The following NEURL1 variants were observed in gnomAD, a reference collection of about 807,000 sequenced individuals.
The protein encoded by NEURL1 is E3 ubiquitin-protein ligase NEURL1.
NEURL1 carries 26 observed loss-of-function variants against 41.2 expected under a neutral mutation model. The observed-to-expected ratio is 0.63, with a 90% confidence interval of 0.46 to 0.87. The LOEUF (loss-of-function observed/expected upper bound fraction) is 0.87, where lower values mean the gene tolerates loss of function less well. Among genes scored for constraint, NEURL1 ranks in the 40% least tolerant of loss-of-function variants. NEURL1 has a pLI of 0.00. For synonymous variants in NEURL1, 400 were observed against 402.3 expected (o/e 0.99, Z 0.07); for missense variants, 761 against 871.1 (o/e 0.87, Z 1.59).
intron 3 of NEURL1, among the ~76,000 whole-genome samples, chr10:103,576,498 T>C (rs1183816752): frequency 6.6e-6 from 1 of 151,988 alleles, no homozygotes; most frequent in East Asian, 1.9e-4. Flanking sequence ...CCAGCAGCTT[T>C]TGTGCTGTCA....
chr10:103,533,738 G>T (rs372029227), intron 1 of NEURL1, among the ~76,000 whole-genome samples: 9 of 151,984 alleles, frequency 5.9e-5, no homozygotes, highest in African/African-American at 1.9e-4. Context: ...GGGTTTCACC[G>T]TGTTAGCCAG....
chr10:103,584,597 G>A lies in NEURL1; in HGVS notation c.711G>A (p.Pro237=), dbSNP rs766907282. ...GCTCCTTCACCGCCCTGCGGCGGCC[G>A]TCGCTGCGGCGCGAGGCGGACGACG... is the stretch of plus-strand genomic sequence containing the variant. ...RPRSFTALRR[P]SLRREADDAR... is the part of the protein sequence containing the mutation. Residue 237 remains proline, a synonymous_variant, in exon 4 of 6, where the codon CCG becomes CCA. Coordinates refer to ENST00000369780, the MANE Select transcript of NEURL1 (RefSeq NM_004210.5). 15 of 1,413,434 alleles carry A rather than the reference G, an allele frequency of 1.1e-5. No homozygotes were observed. In the East Asian group the frequency reaches 3.7e-4, roughly 34 times the overall value. 87.6% of individuals were successfully genotyped at this position (1,413,434 alleles called of 1,614,324 possible).
At chr10:103,557,374 A>C (rs1255309530) in intron 1 of NEURL1, among the ~76,000 whole-genome samples, 1 of 152,104 alleles carries the variant, frequency 6.6e-6, no homozygotes, top group Non-Finnish European at 1.5e-5. Flanking sequence ...CCAAGGTCAT[A>C]TTCCCTCCCT....
intron 1 of NEURL1, among the ~76,000 whole-genome samples, chr10:103,499,936 A>G (rs556098918): frequency 1.3e-5 from 2 of 152,164 alleles, no homozygotes; most frequent in Non-Finnish European, 2.9e-5. Flanking sequence ...TTCAGTCACC[A>G]TAATGGGATA....
chr10:103,524,883 C>T (rs1322039683), intron 1 of NEURL1, among the ~76,000 whole-genome samples: 1 of 151,990 alleles, frequency 6.6e-6, no homozygotes, highest in Non-Finnish European at 1.5e-5. Context: ...ATATGTCTAG[C>T]TTTGTCCTTT....
chr10:103,552,690 T>TG, intron 1 of NEURL1, among the ~76,000 whole-genome samples: 1 of 152,312 alleles, frequency 6.6e-6, no homozygotes, highest in South Asian at 2.1e-4. Flanking sequence ...GGGCCACCCT[T>TG]GCATCCTTAG....
At chr10:103,503,054 C>T (rs541303261) in intron 1 of NEURL1, among the ~76,000 whole-genome samples, 74 of 152,300 alleles carry the variant, frequency 4.9e-4, no homozygotes, top group African/African-American at 1.6e-3. Flanking sequence ...ACAAGCTGGC[C>T]GATAGGAGGG....
At chr10:103,536,525 C>G (rs1185170199) in intron 1 of NEURL1, among the ~76,000 whole-genome samples, 1 of 152,130 alleles carries the variant, frequency 6.6e-6, no homozygotes, top group African/African-American at 2.4e-5. Context: ...GCCTGGGTGA[C>G]AAGAGCGAAA....
intron 1 of NEURL1, among the ~76,000 whole-genome samples, chr10:103,559,837 CAT>C (rs548139230): frequency 1.4e-3 from 209 of 144,886 alleles, no homozygotes; most frequent in Non-Finnish European, 2.7e-3. Flanking sequence ...CATGCACACA[CAT>C]ATGTGCGCAC....
intron 1 of NEURL1, among the ~76,000 whole-genome samples, chr10:103,496,391 A>G (rs1237983896): frequency 6.6e-5 from 10 of 152,228 alleles, no homozygotes; most frequent in Non-Finnish European, 1.5e-4. Flanking sequence ...TGAAGACTGT[A>G]TGATCCCAAT....
chr10:103,562,775 G>A (rs941374234), intron 1 of NEURL1, among the ~76,000 whole-genome samples: 9 of 152,250 alleles, frequency 5.9e-5, no homozygotes, highest in South Asian at 2.1e-4. Context: ...ATCTACGTCC[G>A]AAGGATGCAT....
chr10:103,580,448 A>G (rs1385070165), intron 3 of NEURL1, among the ~76,000 whole-genome samples: 1 of 152,076 alleles, frequency 6.6e-6, no homozygotes, highest in Non-Finnish European at 1.5e-5. Flanking sequence ...TTACCCATCA[A>G]GTGGTGCAGT....
At chr10:103,544,462 C>T (rs576299945) in intron 1 of NEURL1, among the ~76,000 whole-genome samples, 22 of 152,268 alleles carry the variant, frequency 1.4e-4, no homozygotes, top group African/African-American at 3.9e-4. Context: ...CAAATGATCC[C>T]CATCCCACAT....
chr10:103,531,650 C>G (rs1360324839), intron 1 of NEURL1, among the ~76,000 whole-genome samples: 6 of 150,292 alleles, frequency 4.0e-5, no homozygotes, highest in African/African-American at 9.8e-5. Flanking sequence ...CCTCCTGCCT[C>G]AGCCTCCTAA....
chr10:103,499,267 A>C (rs1229808488), intron 1 of NEURL1, among the ~76,000 whole-genome samples: 1 of 152,062 alleles, frequency 6.6e-6, no homozygotes, highest in Non-Finnish European at 1.5e-5. Context: ...AAGGGTCTTG[A>C]TTCTTGTGGT....
At position 103,558,999 on chromosome 10, in the gene NEURL1, C is replaced by A. The variant is rs892727754; in HGVS notation, c.86-11873C>A. 6.6e-6 allele frequency among the ~76,000 whole-genome samples: 1 copy of A among 152,118 alleles called. No individual in the cohort carries two copies. Among genetic ancestry groups the A allele is most frequent in the African/African-American group, 2.4e-5 (1 of 41,426 alleles). On this transcript the variant is annotated intron_variant, in intron 1 of 5. Transcript: ENST00000369780. This position sits in a 1 kb window ranked among gnomAD's most constrained non-coding sequence, Gnocchi z 4.2. ...GGACCCGAGACATTGGCTCCCACCC[C>A]CTCCTGTCACAGAGGGAGATGCTGT...
intron 1 of NEURL1, among the ~76,000 whole-genome samples, chr10:103,544,855 A>G (rs2034894540): frequency 6.6e-6 from 1 of 152,136 alleles, no homozygotes; most frequent in Admixed American, 6.5e-5. Flanking sequence ...TGGAGCCCTG[A>G]CTGCCACCAC....
chr10:103,583,852 GCTGAA>G (rs1485126970), intron 3 of NEURL1, among the ~76,000 whole-genome samples: 2 of 146,192 alleles, frequency 1.4e-5, no homozygotes, highest in Non-Finnish European at 3.0e-5. Flanking sequence ...TTTTCTTTTT[GCTGAA>G]CTGAATTTTC....
chr10:103,568,270 G>T (rs1056844579), intron 1 of NEURL1, among the ~76,000 whole-genome samples: 3 of 152,212 alleles, frequency 2.0e-5, no homozygotes, highest in Non-Finnish European at 4.4e-5. Context: ...ATTGGCAGGG[G>T]TCCTCTCTGG....
Sources: gnomAD v4.1 joint callset for allele counts (sites outside exome capture counted in the v4.1 genomes callset) on GRCh38, gnomAD v4.1.1 for gene constraint, Gnocchi (gnomAD v3.1) non-coding constraint, MANE v1.5 for transcripts, NCBI Gene and HGNC (gene_info 2026-07-23, HGNC 2026-07-21) for gene names.